The following STK32C variants were observed in gnomAD, a reference collection of about 807,000 sequenced individuals.
The protein encoded by STK32C is serine/threonine kinase 32C.
A neutral mutation model predicts 56.5 loss-of-function variants in STK32C; 31 were observed. The ratio of observed to expected loss-of-function variants is 0.55; its 90% CI spans 0.41 to 0.74. STK32C has a LOEUF of 0.74. STK32C is among the 30% of genes least tolerant of loss of function. The probability of loss-of-function intolerance (pLI) is 0.00; values close to 1 mark genes in which losing one functional copy is unlikely to be tolerated. For synonymous variants in STK32C, 309 were observed against 289.4 expected, an observed-to-expected ratio of 1.07 and a Z score of -0.69; for missense variants, 544 against 676.9, an observed-to-expected ratio of 0.80 and a Z score of 2.18.
Position 132,276,352 on chromosome 10 carries a change from C to T in STK32C, c.263-30397G>A, listed in dbSNP as rs371987011. Among the ~76,000 whole-genome samples the T allele has an allele frequency of 2.6e-5, 4 of 152,248 alleles. No homozygotes were observed. In the South Asian group the frequency reaches 6.2e-4, roughly 24 times the overall value. On this transcript the variant is annotated intron_variant, in intron 1 of 11. Transcript: ENST00000298630. ...CAGCCATCCCACAGACCTCCTGGCA[C>T]TGGGCACTGGAACAGGGTCAGGGTC...
At chr10:132,214,272 G>A (rs905457026) in intron 10 of STK32C, among the ~76,000 whole-genome samples, 1 of 147,460 alleles carries the variant, frequency 6.8e-6, no homozygotes, top group African/African-American at 2.4e-5. Flanking sequence ...AGCTGGGGGT[G>A]GGGGGTGGCG....
intron 1 of STK32C, among the ~76,000 whole-genome samples, chr10:132,271,612 G>A (rs997963084): frequency 1.1e-4 from 17 of 152,208 alleles, no homozygotes; most frequent in Admixed American, 3.3e-4. Flanking sequence ...GGTCATGTCC[G>A]GCTGGGAGAG....
chr10:132,274,692 G>C (rs1165277605), intron 1 of STK32C, among the ~76,000 whole-genome samples: 4 of 152,178 alleles, frequency 2.6e-5, no homozygotes, highest in African/African-American at 9.7e-5. Context: ...GAATAAACCC[G>C]GCTGAGCGCA....
At chr10:132,308,904 C>T (rs544118884), upstream of STK32C, among the ~76,000 whole-genome samples, 25 of 152,320 alleles carry the variant, frequency 1.6e-4, no homozygotes, top group South Asian at 5.2e-3. Flanking sequence ...GGAGCCTCGC[C>T]GCCTGCCCCT....
intron 10 of STK32C, among the ~76,000 whole-genome samples, chr10:132,222,403 TC>T (rs1374931119): frequency 4.6e-5 from 7 of 152,304 alleles, no homozygotes; most frequent in Admixed American, 4.6e-4. Context: ...CACATGGCCA[TC>T]CCCGTGCACT....
At chr10:132,331,700 C>T (rs545846192) in exon 1 of STK32C, 105 of 1,612,766 alleles carry the variant, frequency 6.5e-5, no homozygotes, top group Non-Finnish European at 8.5e-5. Flanking sequence ...GCCCCGCCCG[C>T]CCCGGGCCCT....
chr10:132,319,670 C>T (rs1000947956), downstream of STK32C, among the ~76,000 whole-genome samples: 5 of 152,110 alleles, frequency 3.3e-5, no homozygotes, highest in East Asian at 1.9e-4. Flanking sequence ...GGGGTGAGAG[C>T]GGAATGGACT....
intron 2 of STK32C, among the ~76,000 whole-genome samples, chr10:132,231,351 G>A (rs1298816619): frequency 5.9e-5 from 9 of 152,252 alleles, no homozygotes; most frequent in African/African-American, 1.9e-4. Flanking sequence ...CCTGTGGGAG[G>A]AGCTGCCCTG....
intron 1 of STK32C, among the ~76,000 whole-genome samples, chr10:132,316,041 T>C (rs375423435): frequency 1.2e-4 from 18 of 152,340 alleles, no homozygotes; most frequent in African/African-American, 4.3e-4. Context: ...TAGTTTTAAA[T>C]GCCTGTATGA....
chr10:132,254,177 C>T (rs892833799), intron 1 of STK32C, among the ~76,000 whole-genome samples: 4 of 151,976 alleles, frequency 2.6e-5, no homozygotes, highest in African/African-American at 4.8e-5. Flanking sequence ...GGCATAGTGG[C>T]GGGCGCCTGT....
At chr10:132,312,297 C>T (rs182834689), upstream of STK32C, among the ~76,000 whole-genome samples, 6 of 152,280 alleles carry the variant, frequency 3.9e-5, no homozygotes, top group East Asian at 1.2e-3. Context: ...GTATGAGCCA[C>T]TGCACCCAGC....
chr10:132,250,580 C>T (rs539630799), intron 1 of STK32C, among the ~76,000 whole-genome samples: 4 of 146,892 alleles, frequency 2.7e-5, no homozygotes, highest in South Asian at 2.2e-4. Context: ...GTGAGGCGCA[C>T]GGGACAGGTC....
chr10:132,312,402 T>TA (rs2066240163), upstream of STK32C, among the ~76,000 whole-genome samples: 1 of 152,194 alleles, frequency 6.6e-6, no homozygotes, highest in Non-Finnish European at 1.5e-5. Context: ...CAAGACTCAT[T>TA]ATCTAAATCA....
chr10:132,226,215 G>C (rs893724010), intron 4 of STK32C, among the ~76,000 whole-genome samples: 1 of 152,228 alleles, frequency 6.6e-6, no homozygotes, highest in African/African-American at 2.4e-5. Context: ...GAGTCCCCAA[G>C]AGCAGAAATG....
intron 1 of STK32C, among the ~76,000 whole-genome samples, chr10:132,314,492 T>A (rs1233539791): frequency 1.3e-5 from 2 of 151,880 alleles, no homozygotes. Context: ...AAGAGCAGAG[T>A]GGTAGAGTTC....
chr10:132,279,588 C>T (rs945307313), intron 1 of STK32C, among the ~76,000 whole-genome samples: 5 of 151,922 alleles, frequency 3.3e-5, no homozygotes, highest in Admixed American at 6.6e-5. Flanking sequence ...TCATGCCCAC[C>T]CGCACTCCAT....
chr10:132,269,216 GGTGCAGCTCTGTGCATGTGTCT>G (rs1373992404), intron 1 of STK32C, among the ~76,000 whole-genome samples: 1 of 147,926 alleles, frequency 6.8e-6, no homozygotes, highest in Non-Finnish European at 1.5e-5. Flanking sequence ...TGTGCCTGTG[GGTGCAGCTCTGTGCATGTGTCT>G]GTGTCTCCGT....
At chr10:132,217,113 T>C (rs2062496887) in intron 10 of STK32C, among the ~76,000 whole-genome samples, 1 of 152,204 alleles carries the variant, frequency 6.6e-6, no homozygotes, top group Non-Finnish European at 1.5e-5. Context: ...AGACACTCAA[T>C]GCCAGCCCAC....
At chr10:132,221,997 C>T (rs1441818506) in intron 10 of STK32C, among the ~76,000 whole-genome samples, 2 of 150,434 alleles carry the variant, frequency 1.3e-5, no homozygotes, top group Non-Finnish European at 2.9e-5. Flanking sequence ...TCCCTGCACA[C>T]ACAACTGACA....
Sources: gnomAD v4.1 joint callset for allele counts (sites outside exome capture counted in the v4.1 genomes callset) on GRCh38, gnomAD v4.1.1 for gene constraint, MANE v1.5 for transcripts, NCBI Gene and HGNC (gene_info 2026-07-23, HGNC 2026-07-21) for gene names.